COBL: variants seen among roughly 807,000 people sequenced by gnomAD.
COBL encodes protein cordon-bleu.
Under a neutral mutation model 98.8 loss-of-function variants are expected in COBL, and 51 were observed. The observed-to-expected ratio is 0.52, with a 90% CI of 0.41 to 0.65. The LOEUF is 0.65. Ranked by LOEUF, COBL falls within the 30% of genes least tolerant of loss-of-function variation. The pLI is 0.00. For missense variants in COBL, 1,617 were observed against 1,617.5 expected (o/e 1.00, Z 0.01); for synonymous variants, 634 against 651.7 (o/e 0.97, Z 0.41).
At chr7:51,200,006 CAAAG>C (rs926412552) in intron 2 of COBL, among the ~76,000 whole-genome samples, 77 of 152,120 alleles carry the variant, frequency 5.1e-4, no homozygotes, top group African/African-American at 1.8e-3. Flanking sequence ...AAATAAAAGA[CAAAG>C]AGACAATTTT....
intron 6 of COBL, among the ~76,000 whole-genome samples, chr7:51,089,936 TTAAC>T (rs1486664240): frequency 6.2e-4 from 94 of 152,334 alleles, no homozygotes; most frequent in African/African-American, 2.2e-3. Context: ...TGAGCCATAA[TTAAC>T]TAAATTAGCC....
chr7:51,232,993 G>C (rs1004487650), intron 1 of COBL, among the ~76,000 whole-genome samples: 6 of 152,138 alleles, frequency 3.9e-5, no homozygotes, highest in African/African-American at 1.4e-4. Flanking sequence ...CAAGTGATCA[G>C]GAGTAAATTT....
At chr7:51,139,121 T>C (rs990909715) in intron 5 of COBL, among the ~76,000 whole-genome samples, 1 of 152,202 alleles carries the variant, frequency 6.6e-6, no homozygotes, top group Non-Finnish European at 1.5e-5. Flanking sequence ...CATTTTGCAT[T>C]ATCTATTTTT....
At chr7:51,276,849 G>A (rs1001566982) in intron 1 of COBL, among the ~76,000 whole-genome samples, 14 of 152,220 alleles carry the variant, frequency 9.2e-5, no homozygotes, top group African/African-American at 2.2e-4. Context: ...GGCCCAGAAA[G>A]GGAAGAGTTC....
intron 2 of COBL, among the ~76,000 whole-genome samples, chr7:51,194,896 C>T (rs1790450839): frequency 6.6e-6 from 1 of 150,662 alleles, no homozygotes; most frequent in Non-Finnish European, 1.5e-5. Context: ...TGTTTAAGTT[C>T]CTTTTAGATG....
At chr7:51,031,293 T>A in intron 8 of COBL, 1 of 186,918 alleles carries the variant, frequency 5.3e-6, no homozygotes, top group Non-Finnish European at 1.1e-5. Context: ...ACGGTTCACG[T>A]GATCCAGGAT....
At chr7:51,082,411 G>A (rs17152220) in intron 7 of COBL, among the ~76,000 whole-genome samples, 23,233 of 152,158 alleles carry the variant, frequency 0.15, 1,923 homozygotes, top group Middle Eastern at 0.19. Context: ...GTCCGGAGGT[G>A]GGAATGCTAT....
chr7:51,190,233 A>G (rs1449474822), intron 4 of COBL, among the ~76,000 whole-genome samples: 1 of 152,160 alleles, frequency 6.6e-6, no homozygotes, highest in African/African-American at 2.4e-5. Flanking sequence ...TTAAAGAGAC[A>G]GGGTCTCACT....
intron 1 of COBL, among the ~76,000 whole-genome samples, chr7:51,313,115 G>A (rs189885164): frequency 5.3e-5 from 8 of 152,150 alleles, no homozygotes; most frequent in East Asian, 3.9e-4. Flanking sequence ...CAAATCTAAC[G>A]GGAAAAGTTT....
At chr7:51,297,272 G>A (rs980053309) in intron 1 of COBL, among the ~76,000 whole-genome samples, 1 of 152,070 alleles carries the variant, frequency 6.6e-6, no homozygotes, top group Non-Finnish European at 1.5e-5. Context: ...GCATTATTAG[G>A]AATCACACCA....
At chr7:51,224,446 G>A (rs1325681756) in intron 1 of COBL, among the ~76,000 whole-genome samples, 2 of 152,198 alleles carry the variant, frequency 1.3e-5, no homozygotes, top group African/African-American at 4.8e-5. Flanking sequence ...CATTAGTGGA[G>A]TATCCACCCT....
intron 1 of COBL, among the ~76,000 whole-genome samples, chr7:51,304,175 G>A (rs1482128523): frequency 2.0e-5 from 3 of 152,278 alleles, no homozygotes. Flanking sequence ...TGGAGGAATC[G>A]TGGTCTCGCC....
At chr7:51,038,238 G>A (rs996521986) in intron 8 of COBL, among the ~76,000 whole-genome samples, 2 of 152,298 alleles carry the variant, frequency 1.3e-5, no homozygotes, top group East Asian at 3.9e-4. Flanking sequence ...TTGGCTCCAA[G>A]GACACCGAAT....
At chr7:51,120,442 G>A (rs1438963093) in intron 6 of COBL, among the ~76,000 whole-genome samples, 1 of 152,094 alleles carries the variant, frequency 6.6e-6, no homozygotes, top group African/African-American at 2.4e-5. Context: ...ACCTTTTAAA[G>A]GAAGTGGTTA....
intron 1 of COBL, among the ~76,000 whole-genome samples, chr7:51,232,531 G>C (rs1175384818): frequency 6.6e-6 from 1 of 152,112 alleles, no homozygotes; most frequent in Admixed American, 6.5e-5. Flanking sequence ...AACAATCAGG[G>C]CCAGGCACGG....
At chr7:51,266,703 G>T (rs1798241007) in intron 1 of COBL, among the ~76,000 whole-genome samples, 1 of 152,198 alleles carries the variant, frequency 6.6e-6, no homozygotes, top group South Asian at 2.1e-4. Context: ...GGCTGTCCCT[G>T]TTTCCCACAA....
chr7:51,275,872 T>C (rs1331510945), intron 1 of COBL, among the ~76,000 whole-genome samples: 2 of 152,310 alleles, frequency 1.3e-5, no homozygotes, highest in South Asian at 2.1e-4. Flanking sequence ...GGCCTCTCTC[T>C]CCCCTGCTTG....
At position 51,025,318 on chromosome 7, in the gene COBL, C is replaced by T; in HGVS notation, c.3559G>A (p.Ala1187Thr). Reference sequence around the variant, plus strand: ...AGCAGAGGACTTTCCGAGCCCTGAGCAGAGAGTGCGGCATCTCGGAAGCTC... The same window carrying T: ...AGCAGAGGACTTTCCGAGCCCTGAGTAGAGAGTGCGGCATCTCGGAAGCTC... Reference protein sequence around the residue: ...LQSFRDAALSAQGSESPLLED... With the variant: ...LQSFRDAALSTQGSESPLLED... Residue 1187 changes from alanine (A) to threonine (T), a missense_variant, in exon 12 of 13, where the codon GCT becomes ACT. Transcript: ENST00000265136. The T allele has an allele frequency of 6.2e-7, 1 of 1,613,370 alleles. No homozygotes were observed. The highest frequency in any genetic ancestry group is 2.2e-5 in the East Asian group (1 of 44,864).
At chr7:51,247,357 A>C (rs1796349301) in intron 1 of COBL, among the ~76,000 whole-genome samples, 1 of 152,192 alleles carries the variant, frequency 6.6e-6, no homozygotes, top group African/African-American at 2.4e-5. Flanking sequence ...CTCAACTATC[A>C]GAACCAGTCT....
Sources: allele counts gnomAD v4.1 joint callset (sites outside exome capture counted in the v4.1 genomes callset), GRCh38; gene constraint gnomAD v4.1.1; transcripts MANE v1.5; gene names NCBI Gene and HGNC (gene_info 2026-07-23, HGNC 2026-07-21).